The following CSMD3 variants were observed in gnomAD, a reference collection of about 807,000 sequenced individuals.
CSMD3 encodes the protein CUB and sushi domain-containing protein 3.
A neutral mutation model predicts 435.2 loss-of-function variants in CSMD3; 177 were observed. The observed-to-expected ratio is 0.41, with a 90% CI of 0.36 to 0.46. The LOEUF (loss-of-function observed/expected upper bound fraction) is 0.46, where lower values mean the gene tolerates loss of function less well. Among genes scored for constraint, CSMD3 ranks in the 20% least tolerant of loss-of-function variants. The probability of loss-of-function intolerance (pLI) is 0.34; values close to 1 mark genes in which losing one functional copy is unlikely to be tolerated. For synonymous variants in CSMD3, 1,656 were observed against 1,520.5 expected, an observed-to-expected ratio of 1.09 and a Z score of -2.07; for missense variants, 4,265 against 4,504.6, an observed-to-expected ratio of 0.95 and a Z score of 1.52.
intron 27 of CSMD3, among the ~76,000 whole-genome samples, chr8:112,540,982 A>C (rs1391004071): frequency 6.6e-6 from 1 of 152,078 alleles, no homozygotes; most frequent in Non-Finnish European, 1.5e-5. Flanking sequence ...AGTTACTCTT[A>C]TTTGATAATT....
At chr8:112,426,817 G>A (rs1813114543) in intron 32 of CSMD3, among the ~76,000 whole-genome samples, 1 of 152,112 alleles carries the variant, frequency 6.6e-6, no homozygotes, top group African/African-American at 2.4e-5. Context: ...CAACACCTTT[G>A]TGCAATGAAT....
In CSMD3 at chr8:113,201,959, C is replaced by T. The variant is rs578236556; in HGVS notation, c.515-28043G>A. On this transcript the variant is annotated intron_variant, in intron 3 of 70. Coordinates refer to ENST00000297405, the MANE Select transcript of CSMD3 (RefSeq NM_198123.2). ...GGTATTACACACCCTATAGCTATAA[C>T]CCAAACTGCCACAGCTAGTATGCCA... Among the ~76,000 whole-genome samples the T allele has an allele frequency of 3.3e-5, 5 of 152,088 alleles. No homozygotes were observed. In the South Asian group the frequency reaches 1.0e-3, roughly 32 times the overall value.
intron 1 of CSMD3, chr8:113,377,149 G>C (rs931759846): frequency 3.2e-6 from 4 of 1,250,968 alleles, no homozygotes; most frequent in Non-Finnish European, 4.1e-6. Context: ...GGGCCGAGGG[G>C]TGTACGCCCC....
chr8:112,669,569 C>A (rs1264534848), intron 16 of CSMD3, among the ~76,000 whole-genome samples: 1 of 151,994 alleles, frequency 6.6e-6, no homozygotes, highest in Non-Finnish European at 1.5e-5. Flanking sequence ...AAAAGGATTT[C>A]TCTAAAAAAC....
chr8:113,236,533 C>T (rs953389833), intron 3 of CSMD3, among the ~76,000 whole-genome samples: 1 of 152,056 alleles, frequency 6.6e-6, no homozygotes, highest in African/African-American at 2.4e-5. Context: ...TCTCTCTCTC[C>T]TGTTGATGTA....
intron 22 of CSMD3, among the ~76,000 whole-genome samples, chr8:112,631,138 C>A (rs1373946659): frequency 6.6e-6 from 1 of 151,868 alleles, no homozygotes; most frequent in Non-Finnish European, 1.5e-5. Flanking sequence ...AAGAAATGCC[C>A]AAATACAAAA....
At chr8:112,312,127 T>C (rs1458126993) in intron 49 of CSMD3, among the ~76,000 whole-genome samples, 1 of 152,222 alleles carries the variant, frequency 6.6e-6, no homozygotes, top group Non-Finnish European at 1.5e-5. Context: ...ATGAATTTAA[T>C]GTGCTGACTT....
chr8:113,322,184 C>A (rs1043307603), intron 1 of CSMD3, among the ~76,000 whole-genome samples: 2 of 152,112 alleles, frequency 1.3e-5, no homozygotes, highest in Middle Eastern at 3.4e-3. Flanking sequence ...TCAAAGTAAC[C>A]ATTATCGCCT....
intron 1 of CSMD3, among the ~76,000 whole-genome samples, chr8:113,392,394 A>C (rs1413155407): frequency 6.6e-6 from 1 of 152,138 alleles, no homozygotes; most frequent in African/African-American, 2.4e-5. Flanking sequence ...GCTACGATTC[A>C]GACACAATTT....
intron 12 of CSMD3, among the ~76,000 whole-genome samples, chr8:112,816,340 T>C (rs1204387581): frequency 2.6e-5 from 4 of 152,106 alleles, no homozygotes; most frequent in African/African-American, 7.2e-5. Flanking sequence ...GGGTGCAAGA[T>C]AGAGAAAACG....
At chr8:112,968,570 T>C (rs2084515086) in intron 7 of CSMD3, among the ~76,000 whole-genome samples, 1 of 151,928 alleles carries the variant, frequency 6.6e-6, no homozygotes, top group African/African-American at 2.4e-5. Context: ...AGAGGACAGA[T>C]TTAATCTCTC....
chr8:113,076,628 T>C (rs973446820), intron 5 of CSMD3, among the ~76,000 whole-genome samples: 1 of 152,094 alleles, frequency 6.6e-6, no homozygotes, highest in Non-Finnish European at 1.5e-5. Flanking sequence ...TGCTTTTTCT[T>C]CATAAAAACA....
intron 1 of CSMD3, among the ~76,000 whole-genome samples, chr8:113,344,448 T>A (rs1017658889): frequency 3.3e-5 from 5 of 152,208 alleles, no homozygotes; most frequent in African/African-American, 1.2e-4. Flanking sequence ...GGAGCTTGAA[T>A]TCTGTGAAGG....
At chr8:113,220,401 AC>A (rs1363671725) in intron 3 of CSMD3, among the ~76,000 whole-genome samples, 1 of 151,428 alleles carries the variant, frequency 6.6e-6, no homozygotes, top group Non-Finnish European at 1.5e-5. Context: ...TCACAAGCAT[AC>A]AGGAGCTTGA....
rs151084843 is a variant in CSMD3 at position 112,252,272 on chromosome 8, A to G, written c.10110+1981T>C. ...CCTTGGAAATCTGGAATTGAGATTG[A>G]GATGATCACTTTCTGTATGTAGCTG... On this transcript the variant is annotated intron_variant, in intron 63 of 70. Transcript: ENST00000297405. 7.3e-4 allele frequency among the ~76,000 whole-genome samples: 111 copies of G among 152,090 alleles called. 1 individual carries two copies. In the East Asian group the frequency reaches 0.015, roughly 21 times the overall value.
At chr8:113,091,660 A>ATC (rs920410936) in intron 5 of CSMD3, among the ~76,000 whole-genome samples, 6 of 149,514 alleles carry the variant, frequency 4.0e-5, no homozygotes, top group East Asian at 3.9e-4. Flanking sequence ...TCTGCTCTCC[A>ATC]TCTCTCTCTC....
chr8:112,533,931 A>T (rs890879909), intron 27 of CSMD3, among the ~76,000 whole-genome samples: 3 of 152,108 alleles, frequency 2.0e-5, no homozygotes, highest in Non-Finnish European at 4.4e-5. Flanking sequence ...CTATAATGGA[A>T]TAAAACCAGA....
intron 27 of CSMD3, among the ~76,000 whole-genome samples, chr8:112,548,033 A>G (rs1210155796): frequency 6.6e-6 from 1 of 152,158 alleles, no homozygotes; most frequent in Non-Finnish European, 1.5e-5. Flanking sequence ...AGTTTGACCC[A>G]CGGTAGTTGT....
At chr8:112,509,355 G>T (rs1478511260) in intron 28 of CSMD3, among the ~76,000 whole-genome samples, 1 of 152,150 alleles carries the variant, frequency 6.6e-6, no homozygotes, top group East Asian at 1.9e-4. Context: ...CTCCCAAAGT[G>T]CTGGGATTAC....
Sources: allele counts gnomAD v4.1 joint callset (sites outside exome capture counted in the v4.1 genomes callset), GRCh38; gene constraint gnomAD v4.1.1; transcripts MANE v1.5; gene names NCBI Gene and HGNC (gene_info 2026-07-23, HGNC 2026-07-21).